KIAA0513: variants seen among roughly 807,000 people sequenced by gnomAD.
The protein encoded by KIAA0513 is KIAA0513, also known as uncharacterized protein KIAA0513.
Under a neutral mutation model 56.5 loss-of-function variants are expected in KIAA0513, and 39 were observed. The ratio of observed to expected loss-of-function variants is 0.69; its 90% CI spans 0.53 to 0.90. The LOEUF (loss-of-function observed/expected upper bound fraction) is 0.90. Among genes scored for constraint, KIAA0513 ranks in the 40% least tolerant of loss-of-function variants. KIAA0513 has a pLI of 0.00. For synonymous variants in KIAA0513, 268 were observed against 215.6 expected, an observed-to-expected ratio of 1.24 and a Z score of -2.13; for missense variants, 591 against 535.2, an observed-to-expected ratio of 1.10 and a Z score of -1.03.
intron 1 of KIAA0513, among the ~76,000 whole-genome samples, chr16:85,051,121 G>A (rs1022235473): frequency 6.6e-6 from 1 of 152,058 alleles, no homozygotes; most frequent in Non-Finnish European, 1.5e-5. Flanking sequence ...ACTTCAGCCT[G>A]GGCGACAGAG....
rs544210013 is a variant in KIAA0513 at position 85,071,730 on chromosome 16, G to GGATTGAAA, written c.330-52_330-45dup. On this transcript the variant is annotated intron_variant, in intron 2 of 12. Transcript: ENST00000683363. ...CTTGCTCTTCCCCTGTTGCTCCAGG[G>GGATTGAAA]GATTGAAAAGGGTTTTTTTTTTTTT... 1.3e-3 allele frequency: 1,893 copies of GGATTGAAA among 1,405,282 alleles called. 35 individuals carry two copies. In the African/African-American group the frequency reaches 0.025, roughly 19 times the overall value. 87.1% of individuals were successfully genotyped at this position (1,405,282 alleles called of 1,614,324 possible).
At chr16:85,035,044 G>A (rs1013470004) in intron 1 of KIAA0513, among the ~76,000 whole-genome samples, 1 of 152,118 alleles carries the variant, frequency 6.6e-6, no homozygotes, top group African/African-American at 2.4e-5. Context: ...CCCTTCCCCA[G>A]GCCGAGCCGT....
intron 8 of KIAA0513, among the ~76,000 whole-genome samples, chr16:85,080,542 C>T (rs1377208387): frequency 6.6e-6 from 1 of 152,196 alleles, no homozygotes; most frequent in Non-Finnish European, 1.5e-5. Flanking sequence ...GCCTGCAATC[C>T]CAGCACTTTG....
In KIAA0513 at chr16:85,091,386, A is replaced by T. The variant is rs1008198649; in HGVS notation, c.*3061A>T. ...GTTTAACCACAGGCCAGAGAACTCA[A>T]TTCTGATGTCGTAAGTTCTCTGTAA... On this transcript the variant is annotated 3_prime_UTR_variant, in exon 13 of 13. Coordinates refer to ENST00000683363, the MANE Select transcript of KIAA0513 (RefSeq NM_001388359.1). 6.6e-6 allele frequency: 1 copy of T among 152,184 alleles called. No homozygotes were observed. The highest frequency in any genetic ancestry group is 1.9e-4 in the East Asian group (1 of 5,196). 9.4% of individuals were successfully genotyped at this position (152,184 alleles called of 1,614,324 possible).
intron 1 of KIAA0513, among the ~76,000 whole-genome samples, chr16:85,036,276 T>G: frequency 6.6e-6 from 1 of 152,200 alleles, no homozygotes; most frequent in East Asian, 1.9e-4. Flanking sequence ...CATAATCTAA[T>G]TTCAGAATGT....
At chr16:85,058,459 C>G (rs2073359675) in intron 1 of KIAA0513, among the ~76,000 whole-genome samples, 1 of 152,116 alleles carries the variant, frequency 6.6e-6, no homozygotes, top group South Asian at 2.1e-4. Flanking sequence ...TCGAGACTAG[C>G]CTGATCAACG....
chr16:85,040,061 T>C (rs538644703), intron 1 of KIAA0513, among the ~76,000 whole-genome samples: 21 of 152,158 alleles, frequency 1.4e-4, no homozygotes, highest in African/African-American at 5.1e-4. Context: ...CTCGAACTCC[T>C]GACCTCAGGT....
At chr16:85,052,405 G>C (rs2073266145) in intron 1 of KIAA0513, among the ~76,000 whole-genome samples, 1 of 152,036 alleles carries the variant, frequency 6.6e-6, no homozygotes, top group South Asian at 2.1e-4. Context: ...CCAGCTACTC[G>C]GGAGGCTGAG....
chr16:85,048,944 A>C (rs932284686), intron 1 of KIAA0513, among the ~76,000 whole-genome samples: 11 of 152,196 alleles, frequency 7.2e-5, no homozygotes, highest in African/African-American at 2.7e-4. Context: ...GGTGGAAATT[A>C]AGAAAGCCTC....
Position 85,089,100 on chromosome 16 carries a change from C to T in KIAA0513, c.*775C>T, listed in dbSNP as rs2073842377. On this transcript the variant is annotated 3_prime_UTR_variant, in exon 13 of 13. Coordinates refer to ENST00000683363, the MANE Select transcript of KIAA0513 (RefSeq NM_001388359.1). This position sits in a 1 kb window ranked among gnomAD's most constrained non-coding sequence, Gnocchi z 4.2. ...GTCTGAAATGCGCCCGCCTGGCGGA[C>T]AGCTCCCTTCTGAAGCAGAGAAGCC... The T allele has an allele frequency of 6.6e-6, 1 of 152,286 alleles. No homozygotes were observed. Among genetic ancestry groups the T allele is most frequent in the South Asian group, 2.1e-4 (1 of 4,836 alleles). 9.4% of individuals were successfully genotyped at this position (152,286 alleles called of 1,614,324 possible). A position where few individuals can be genotyped will look rare whatever the true frequency, so the allele number is the denominator to read the frequency against.
chr16:85,083,396 C>T (rs1006318893), intron 10 of KIAA0513, among the ~76,000 whole-genome samples: 5 of 152,188 alleles, frequency 3.3e-5, no homozygotes, highest in East Asian at 1.9e-4. Context: ...TGTTTATTGT[C>T]ATGAGCAATC....
In KIAA0513 at chr16:85,073,177, C is replaced by T. The variant is rs117173947; in HGVS notation, c.503+179C>T. Reference sequence around the variant, plus strand: ...AAAGGCACAGTCGTGACCTCCATCTCGCGGGAGCAGGGCTGGCAGTCCTTA... The same window carrying T: ...AAAGGCACAGTCGTGACCTCCATCTTGCGGGAGCAGGGCTGGCAGTCCTTA... On this transcript the variant is annotated intron_variant, in intron 4 of 12. Coordinates refer to ENST00000683363, the MANE Select transcript of KIAA0513 (RefSeq NM_001388359.1). Among the ~76,000 whole-genome samples, 96 of 152,318 alleles carry T rather than the reference C, an allele frequency of 6.3e-4. 1 individual carries two copies. The East Asian group carries it at 0.017, about 27-fold the overall frequency.
intron 4 of KIAA0513, among the ~76,000 whole-genome samples, chr16:85,075,052 G>A (rs911907075): frequency 6.6e-6 from 1 of 151,836 alleles, no homozygotes; most frequent in Non-Finnish European, 1.5e-5. Context: ...AAAACAAAGT[G>A]AAACAAAAAC....
intron 8 of KIAA0513, among the ~76,000 whole-genome samples, chr16:85,080,162 G>A (rs929563136): frequency 5.0e-5 from 7 of 139,750 alleles, no homozygotes; most frequent in East Asian, 2.0e-4. Flanking sequence ...GGCTGGACCC[G>A]GTTCCCATGG....
chr16:85,051,747 T>A (rs1184874329), intron 1 of KIAA0513, among the ~76,000 whole-genome samples: 1 of 152,034 alleles, frequency 6.6e-6, no homozygotes, highest in East Asian at 1.9e-4. Context: ...TCCCTAACGA[T>A]GCTGGCGGGG....
intron 1 of KIAA0513, among the ~76,000 whole-genome samples, chr16:85,065,333 C>T (rs1460606906): frequency 6.6e-6 from 1 of 152,240 alleles, no homozygotes; most frequent in Non-Finnish European, 1.5e-5. Context: ...CCACTCCTTG[C>T]TCTCCAGGTC....
intron 2 of KIAA0513, 37 bp from the exon 3 acceptor site, chr16:85,071,746 T>TG (rs780885777): frequency 2.0e-6 from 3 of 1,472,320 alleles, no homozygotes; most frequent in East Asian, 2.3e-5. Flanking sequence ...AAAAGGGTTT[T>TG]TTTTTTTTTT....
At chr16:85,077,040 G>C (rs1213895599) in intron 5 of KIAA0513, among the ~76,000 whole-genome samples, 1 of 152,116 alleles carries the variant, frequency 6.6e-6, no homozygotes, top group Non-Finnish European at 1.5e-5. Flanking sequence ...CCCCAACCCG[G>C]TGTCTCCACA....
chr16:85,039,530 C>T (rs1226367239), intron 1 of KIAA0513, among the ~76,000 whole-genome samples: 1 of 152,152 alleles, frequency 6.6e-6, no homozygotes, highest in African/African-American at 2.4e-5. Context: ...TCTTGAATTC[C>T]TGGGTTCAAG....
Sources: gnomAD v4.1 joint callset for allele counts (sites outside exome capture counted in the v4.1 genomes callset) on GRCh38, gnomAD v4.1.1 for gene constraint, Gnocchi (gnomAD v3.1) non-coding constraint, MANE v1.5 for transcripts, NCBI Gene and HGNC (gene_info 2026-07-23, HGNC 2026-07-21) for gene names.